The following EPB41L1 variants were observed in gnomAD, a reference collection of about 807,000 sequenced individuals.
The protein encoded by EPB41L1 is band 4.1-like protein 1.
Under a neutral mutation model 97.8 loss-of-function variants are expected in EPB41L1, and 29 were observed. That is an observed-to-expected ratio of 0.30 (90% CI 0.22 to 0.40). The LOEUF (loss-of-function observed/expected upper bound fraction) is 0.40, where lower values mean the gene tolerates loss of function less well. EPB41L1 is among the 10% of genes least tolerant of loss of function. The pLI is 1.00. For synonymous variants in EPB41L1, 383 were observed against 459.2 expected, an observed-to-expected ratio of 0.83 and a Z score of 2.12; for missense variants, 812 against 1,162.3, an observed-to-expected ratio of 0.70 and a Z score of 4.38.
Position 36,212,808 on chromosome 20 carries a change from C to G in EPB41L1, c.2184+432C>G, listed in dbSNP as rs2063209850. ...TTCAGCTTCAGTCAGAATAGCTCAC[C>G]TTGGGTCATTTTTTATGCATTAGAG... On this transcript the variant is annotated intron_variant, in intron 16 of 21. Transcript: ENST00000338074. The surrounding 1 kb of genome is among the most constrained non-coding windows in gnomAD (Gnocchi z 4.8). Among the ~76,000 whole-genome samples, 1 of 152,154 alleles carries G rather than the reference C, an allele frequency of 6.6e-6. No individual in the cohort carries two copies. Among genetic ancestry groups the G allele is most frequent in the African/African-American group, 2.4e-5 (1 of 41,434 alleles).
At chr20:36,129,951 T>G (rs986178836) in intron 2 of EPB41L1, among the ~76,000 whole-genome samples, 18 of 150,136 alleles carry the variant, frequency 1.2e-4, no homozygotes, top group African/African-American at 2.2e-4. Context: ...TTTTTTGTTT[T>G]TTTTTTTTGA....
At chr20:36,132,915 C>T (rs187775747) in intron 2 of EPB41L1, among the ~76,000 whole-genome samples, 86 of 152,352 alleles carry the variant, frequency 5.6e-4, no homozygotes, top group African/African-American at 2.0e-3. Context: ...CCACACACCA[C>T]CATCACTGCT....
chr20:36,154,853 C>A lies in EPB41L1; in HGVS notation c.-58C>A, dbSNP rs1422043420. The A allele has an allele frequency of 3.0e-6, 3 of 1,004,256 alleles. No homozygotes were observed. Among genetic ancestry groups the A allele is most frequent in the Non-Finnish European group, 3.6e-6 (3 of 841,542 alleles). The allele number at this position is 1,004,256 out of a possible 1,614,324, so 62.2% of individuals were successfully genotyped here. A position where few individuals can be genotyped will look rare whatever the true frequency, so the allele number is the denominator to read the frequency against. On this transcript the variant is annotated 5_prime_UTR_variant, in exon 1 of 22. Transcript: ENST00000338074. This position sits in a 1 kb window ranked among gnomAD's most constrained non-coding sequence, Gnocchi z 5.5. Reference sequence around the variant, plus strand: ...TGCCTGCCAGAGGAGCCGAGGGGGCCGCCCCTCGCCCAACCTGCCCGACAT... The same window carrying A: ...TGCCTGCCAGAGGAGCCGAGGGGGCAGCCCCTCGCCCAACCTGCCCGACAT...
chr20:36,223,072 AT>A (rs2063885321), intron 21 of EPB41L1, among the ~76,000 whole-genome samples: 1 of 152,004 alleles, frequency 6.6e-6, no homozygotes, highest in Non-Finnish European at 1.5e-5. Flanking sequence ...AATATTTTGT[AT>A]TTTTAGTAAA....
intron 1 of EPB41L1, among the ~76,000 whole-genome samples, chr20:36,105,853 G>A (rs919957223): frequency 6.6e-6 from 1 of 152,192 alleles, no homozygotes; most frequent in African/African-American, 2.4e-5. Context: ...CTGCACCCCA[G>A]GGGAGGGGTG....
chr20:36,167,585 G>A (rs1193260520), intron 1 of EPB41L1, among the ~76,000 whole-genome samples: 4 of 151,940 alleles, frequency 2.6e-5, no homozygotes, highest in Non-Finnish European at 5.9e-5. Context: ...GCGGGTGCCT[G>A]TAGTCTCAGC....
At position 36,209,441 on chromosome 20, in the gene EPB41L1, C is replaced by G. The variant is rs2061678690; in HGVS notation, c.1669-47C>G. The G allele has an allele frequency of 6.3e-7, 1 of 1,591,928 alleles. No homozygotes were observed. Among genetic ancestry groups the G allele is most frequent in the East Asian group, 2.3e-5 (1 of 44,356 alleles). On this transcript the variant is annotated intron_variant, in intron 14 of 21. Transcript: ENST00000338074. The surrounding 1 kb of genome is among the most constrained non-coding windows in gnomAD (Gnocchi z 4.2). ...ACCATCTTGATTTCTCTTTCTCTCTCTCTCCCCACCCCACATCCCCATTCT... is the reference window on the plus strand; with the variant it reads ...ACCATCTTGATTTCTCTTTCTCTCTGTCTCCCCACCCCACATCCCCATTCT...
In EPB41L1 at chr20:36,190,191, A is replaced by G; in HGVS notation, c.1027-86A>G. The G allele has an allele frequency of 8.8e-7, 1 of 1,135,036 alleles. No individual in the cohort carries two copies. The highest frequency in any genetic ancestry group is 1.3e-6 in the Non-Finnish European group (1 of 763,578). The allele number at this position is 1,135,036 out of a possible 1,614,324, so 70.3% of individuals were successfully genotyped here. Reference sequence around the variant, plus strand: ...ACCCTGTGTCTCAAAAAAACATTAAACAAATAAAATAAAAAACACAAAGAA... The same window carrying G: ...ACCCTGTGTCTCAAAAAAACATTAAGCAAATAAAATAAAAAACACAAAGAA... On this transcript the variant is annotated intron_variant, in intron 9 of 21. Transcript: ENST00000338074. This position sits in a 1 kb window ranked among gnomAD's most constrained non-coding sequence, Gnocchi z 5.8.
At chr20:36,107,459 T>A (rs1022220572) in intron 1 of EPB41L1, among the ~76,000 whole-genome samples, 1 of 151,592 alleles carries the variant, frequency 6.6e-6, no homozygotes, top group African/African-American at 2.4e-5. Flanking sequence ...GACCTCATGA[T>A]CCACCTGCCT....
At chr20:36,162,521 G>A (rs193232334) in intron 1 of EPB41L1, among the ~76,000 whole-genome samples, 45 of 152,264 alleles carry the variant, frequency 3.0e-4, no homozygotes, top group Non-Finnish European at 5.4e-4. Flanking sequence ...CACCTACTCC[G>A]TGTGGCCCTT....
chr20:36,127,437 G>A (rs1003912241), intron 2 of EPB41L1, among the ~76,000 whole-genome samples: 16 of 152,182 alleles, frequency 1.1e-4, no homozygotes, highest in African/African-American at 3.9e-4. Context: ...AGACGAGTAA[G>A]GCTGGAGTCC....
Position 36,209,396 on chromosome 20 carries a change from C to T in EPB41L1, c.1669-92C>T, listed in dbSNP as rs776902147. ...TCCATTCAGGATGTCGACACAGCCC[C>T]GAGATTTCTCCTGACATTCACCATC... On this transcript the variant is annotated intron_variant, in intron 14 of 21. Coordinates refer to ENST00000338074, the MANE Select transcript of EPB41L1 (RefSeq NM_012156.2). This position sits in a 1 kb window ranked among gnomAD's most constrained non-coding sequence, Gnocchi z 4.2. 64 of 1,445,182 alleles carry T rather than the reference C, an allele frequency of 4.4e-5. No homozygotes were observed. The highest frequency in any genetic ancestry group is 7.1e-5 in the African/African-American group (5 of 70,800). 89.5% of individuals were successfully genotyped at this position (1,445,182 alleles called of 1,614,324 possible).
At chr20:36,157,555 A>G (rs944992477) in intron 1 of EPB41L1, among the ~76,000 whole-genome samples, 1 of 152,180 alleles carries the variant, frequency 6.6e-6, no homozygotes, top group African/African-American at 2.4e-5. Flanking sequence ...CAGTGGAGCC[A>G]GGCAATTCAT....
chr20:36,186,675 C>A (rs1481602507), intron 7 of EPB41L1, among the ~76,000 whole-genome samples: 1 of 152,150 alleles, frequency 6.6e-6, no homozygotes, highest in Non-Finnish European at 1.5e-5. Context: ...TTTGTCATCC[C>A]TGTCCTAGAT....
At chr20:36,181,800 T>A (rs934695586) in intron 5 of EPB41L1, among the ~76,000 whole-genome samples, 26 of 152,206 alleles carry the variant, frequency 1.7e-4, no homozygotes, top group African/African-American at 5.8e-4. Context: ...GACTTTTTTC[T>A]TATCATTAAC....
rs567044252 is a variant in EPB41L1 at position 36,103,789 on chromosome 20, A to G, written c.-64-8637A>G. ...CGTGATCCAGCTCACTACAAGCTCC[A>G]CCTTCTGGGTTCACGCCATTCTCCT... is the stretch of plus-strand genomic sequence containing the variant. On this transcript the variant is annotated intron_variant, in intron 1 of 19. Transcript: ENST00000202028. Among the ~76,000 whole-genome samples the G allele has an allele frequency of 8.4e-5, 12 of 143,658 alleles. No individual in the cohort carries two copies. In the East Asian group the frequency reaches 2.0e-3, roughly 24 times the overall value. 94.2% of individuals were successfully genotyped at this position (143,658 alleles called of 152,430 possible). A position where few individuals can be genotyped will look rare whatever the true frequency, so the allele number is the denominator to read the frequency against.
At chr20:36,116,078 C>G (rs994779771) in intron 2 of EPB41L1, among the ~76,000 whole-genome samples, 3 of 152,138 alleles carry the variant, frequency 2.0e-5, no homozygotes, top group Admixed American at 6.5e-5. Flanking sequence ...AGCTATGTCC[C>G]CTAGAGGGGA....
At chr20:36,191,723 A>G (rs1354291973) in intron 11 of EPB41L1, among the ~76,000 whole-genome samples, 13 of 152,184 alleles carry the variant, frequency 8.5e-5, no homozygotes, top group Non-Finnish European at 1.5e-5. Flanking sequence ...GTTCATAAAT[A>G]TCTGAATGAA....
rs1231097398 is a variant in EPB41L1, at chr20:36,209,562, C to T, written c.1743C>T (p.Gly581=). The T allele has an allele frequency of 8.7e-6, 14 of 1,613,936 alleles. No individual in the cohort carries two copies. The highest frequency in any genetic ancestry group is 1.1e-5 in the South Asian group (1 of 91,080). ...PRPRAPESDT[G]DEDQDQERDT... ...CCCGGGCCCCAGAGAGTGACACAGG[C>T]GATGAGGACCAGGACCAGGAGAGGG... Residue 581 remains glycine, a synonymous_variant, in exon 15 of 22, where the codon GGC becomes GGT. Coordinates refer to ENST00000338074, the MANE Select transcript of EPB41L1 (RefSeq NM_012156.2). This position sits in a 1 kb window ranked among gnomAD's most constrained non-coding sequence, Gnocchi z 4.2.
Sources: gnomAD v4.1 joint callset for allele counts (sites outside exome capture counted in the v4.1 genomes callset) on GRCh38, gnomAD v4.1.1 for gene constraint, Gnocchi (gnomAD v3.1) non-coding constraint, MANE v1.5 for transcripts, NCBI Gene and HGNC (gene_info 2026-07-23, HGNC 2026-07-21) for gene names.